The following SLIT3 variants were observed in gnomAD, a reference collection of about 807,000 sequenced individuals.
The protein encoded by SLIT3 is slit guidance ligand 3, also known as slit homolog 3 protein.
In SLIT3, 68 loss-of-function variants were observed where a neutral mutation model predicts 184.0. The ratio of observed to expected loss-of-function variants is 0.37; its 90% CI spans 0.30 to 0.45. The LOEUF (loss-of-function observed/expected upper bound fraction) is 0.45. Ranked by LOEUF, SLIT3 falls within the 20% of genes least tolerant of loss-of-function variation. The pLI, the probability that SLIT3 is intolerant of heterozygous loss-of-function variation, is 1.00. For synonymous variants in SLIT3, 831 were observed against 828.6 expected (o/e 1.00, Z -0.05); for missense variants, 1,707 against 2,026.0 (o/e 0.84, Z 3.02).
chr5:168,884,149 A>T (rs1332122837), intron 4 of SLIT3, among the ~76,000 whole-genome samples: 1 of 150,826 alleles, frequency 6.6e-6, no homozygotes, highest in African/African-American at 2.4e-5. Context: ...TTGCTAGACC[A>T]AACATGTGCA....
Position 169,261,444 on chromosome 5 carries a change from TCTTTC to T in SLIT3, c.198-9990_198-9986del, listed in dbSNP as rs1184077038. Among the ~76,000 whole-genome samples, 10 of 152,154 alleles carry T rather than the reference TCTTTC, an allele frequency of 6.6e-5. No homozygotes were observed. The East Asian group carries it at 1.9e-3, about 29-fold the overall frequency. On this transcript the variant is annotated intron_variant, in intron 1 of 35. Coordinates refer to ENST00000519560, the MANE Select transcript of SLIT3 (RefSeq NM_003062.4). Reference sequence around the variant, plus strand: ...AAACACAGATCTTTCTTCCCTTCCTTCTTTCTTCTTTTCTTTCCTTATTTTCTTCT... The same window carrying T: ...AAACACAGATCTTTCTTCCCTTCCTTTTCTTTTCTTTCCTTATTTTCTTCT...
Position 168,821,746 on chromosome 5 carries a change from T to C in SLIT3, c.629+1514A>G, listed in dbSNP as rs544220092. On this transcript the variant is annotated intron_variant, in intron 7 of 35. Transcript: ENST00000519560. ...ACTTTATGTGTTAAACTGCACTTCA[T>C]TCTCACAGCAACTTTGAGGCAAGCA... Among the ~76,000 whole-genome samples the C allele has an allele frequency of 5.9e-5, 9 of 152,282 alleles. No individual in the cohort carries two copies. The South Asian group carries it at 1.7e-3, about 28-fold the overall frequency.
At chr5:168,759,596 T>G (rs1459033063) in intron 16 of SLIT3, among the ~76,000 whole-genome samples, 1 of 152,136 alleles carries the variant, frequency 6.6e-6, no homozygotes, top group Non-Finnish European at 1.5e-5. Context: ...GGACACTGGT[T>G]TACAGCATGA....
At chr5:168,783,946 C>T (rs1756063461) in intron 12 of SLIT3, among the ~76,000 whole-genome samples, 2 of 152,174 alleles carry the variant, frequency 1.3e-5, no homozygotes, top group African/African-American at 4.8e-5. Flanking sequence ...CCTTCGCGAC[C>T]CATGCAAAGT....
At chr5:169,208,473 C>A (rs1410809037) in intron 3 of SLIT3, among the ~76,000 whole-genome samples, 1 of 151,852 alleles carries the variant, frequency 6.6e-6, no homozygotes, top group Non-Finnish European at 1.5e-5. Context: ...GCCTGTATAG[C>A]CAAGAAAATC....
intron 6 of SLIT3, among the ~76,000 whole-genome samples, chr5:168,838,388 C>CAG (rs1376882123): frequency 1.3e-4 from 20 of 152,044 alleles, no homozygotes; most frequent in Non-Finnish European, 2.8e-4. Context: ...ATCACAGTAC[C>CAG]TAAAGATGCT....
At chr5:169,251,264 C>T in intron 2 of SLIT3, 124 bp downstream of exon 2, 3 of 724,056 alleles carry the variant, frequency 4.1e-6, no homozygotes, top group Non-Finnish European at 7.6e-6. Flanking sequence ...GGGCTTTCTG[C>T]TGCAGAATGG....
intron 4 of SLIT3, among the ~76,000 whole-genome samples, chr5:169,140,691 T>C (rs1761699789): frequency 5.9e-5 from 9 of 151,766 alleles, no homozygotes; most frequent in Admixed American, 5.9e-4. Flanking sequence ...AGCCCCAACC[T>C]CTCAGGAGGC....
intron 5 of SLIT3, among the ~76,000 whole-genome samples, chr5:168,879,492 C>T (rs1761017674): frequency 1.3e-5 from 2 of 152,334 alleles, no homozygotes; most frequent in South Asian, 4.1e-4. Context: ...CATACAGCTT[C>T]ATTATCACCT....
intron 5 of SLIT3, among the ~76,000 whole-genome samples, chr5:168,860,747 C>T (rs117562612): frequency 2.6e-5 from 4 of 152,290 alleles, no homozygotes; most frequent in African/African-American, 9.6e-5. Flanking sequence ...CTAGGAATAG[C>T]CCTTATGCCC....
At chr5:169,233,343 C>T (rs139618312) in intron 3 of SLIT3, among the ~76,000 whole-genome samples, 3 of 151,782 alleles carry the variant, frequency 2.0e-5, no homozygotes, top group African/African-American at 7.3e-5. Flanking sequence ...TTTTTTGGTG[C>T]TATTGTAAAC....
intron 4 of SLIT3, among the ~76,000 whole-genome samples, chr5:169,059,531 G>C (rs1188632728): frequency 6.6e-6 from 1 of 152,094 alleles, no homozygotes; most frequent in Non-Finnish European, 1.5e-5. Context: ...CGGTCCCAAA[G>C]CCCCTTATCC....
intron 4 of SLIT3, among the ~76,000 whole-genome samples, chr5:169,142,205 A>G (rs771931748): frequency 1.2e-4 from 18 of 152,220 alleles, no homozygotes; most frequent in Non-Finnish European, 2.2e-4. Context: ...AAACTTAACC[A>G]GTTAACTTTA....
chr5:168,791,500 C>CTGGT (rs1343703401), intron 10 of SLIT3: 1 of 152,200 alleles, frequency 6.6e-6, no homozygotes, highest in African/African-American at 2.4e-5. Context: ...CATATTTAGG[C>CTGGT]TGGTTCAAAG....
At chr5:169,214,368 A>G (rs1191875722) in intron 3 of SLIT3, among the ~76,000 whole-genome samples, 1 of 152,208 alleles carries the variant, frequency 6.6e-6, no homozygotes, top group Non-Finnish European at 1.5e-5. Context: ...AGCTCCCACA[A>G]GGGCCTTAAA....
chr5:169,171,685 C>T (rs1043353234), intron 4 of SLIT3, among the ~76,000 whole-genome samples: 1 of 152,310 alleles, frequency 6.6e-6, no homozygotes, highest in East Asian at 1.9e-4. Context: ...TGCAGCCCAC[C>T]CTGTGAATAC....
intron 1 of SLIT3, among the ~76,000 whole-genome samples, chr5:169,259,303 A>C (rs1209960287): frequency 1.3e-5 from 2 of 152,088 alleles, no homozygotes; most frequent in Non-Finnish European, 2.9e-5. Context: ...AGGTGATCCA[A>C]CCGCCTCAGC....
At chr5:168,928,942 C>T (rs1581219252) in intron 4 of SLIT3, among the ~76,000 whole-genome samples, 1 of 152,294 alleles carries the variant, frequency 6.6e-6, no homozygotes, top group Admixed American at 6.5e-5. Flanking sequence ...AGACTCTTCC[C>T]ATTAGGTTAT....
intron 6 of SLIT3, among the ~76,000 whole-genome samples, chr5:168,834,015 C>T (rs1351378287): frequency 6.6e-6 from 1 of 152,182 alleles, no homozygotes; most frequent in African/African-American, 2.4e-5. Flanking sequence ...GACAGGACAT[C>T]TGGCCAAAGT....
Sources: allele counts gnomAD v4.1 joint callset (sites outside exome capture counted in the v4.1 genomes callset), GRCh38; gene constraint gnomAD v4.1.1; transcripts MANE v1.5; gene names NCBI Gene and HGNC (gene_info 2026-07-23, HGNC 2026-07-21).